Variants in TSC22D1 observed in about 807,000 individuals in gnomAD.
TSC22D1 encodes the protein TSC22 domain family protein 1.
Under a neutral mutation model 74.2 loss-of-function variants are expected in TSC22D1, and 9 were observed. That is an observed-to-expected ratio of 0.12 (90% CI 0.07 to 0.21). The LOEUF (loss-of-function observed/expected upper bound fraction) is 0.21. TSC22D1 is among the 10% of genes least tolerant of loss of function. The pLI is 1.00. For synonymous variants in TSC22D1, 586 were observed against 492.5 expected (o/e 1.19, Z -2.51); for missense variants, 1,427 against 1,304.7 (o/e 1.09, Z -1.44).
intron 1 of TSC22D1, among the ~76,000 whole-genome samples, chr13:44,462,232 G>A (rs1877036383): frequency 6.7e-6 from 1 of 150,228 alleles, no homozygotes; most frequent in Non-Finnish European, 1.5e-5. Flanking sequence ...TATTTCAGCA[G>A]AGTAACAAGA....
chr13:44,511,046 G>C (rs1879688810), intron 1 of TSC22D1, among the ~76,000 whole-genome samples: 1 of 152,182 alleles, frequency 6.6e-6, no homozygotes, highest in African/African-American at 2.4e-5. Flanking sequence ...AGCGTTCTGG[G>C]AGGCAGAGGT....
chr13:44,551,030 T>C (rs1381053031), intron 1 of TSC22D1, among the ~76,000 whole-genome samples: 1 of 149,726 alleles, frequency 6.7e-6, no homozygotes, highest in Non-Finnish European at 1.5e-5. Flanking sequence ...TCACCTGAGC[T>C]TGGGGAAATT....
chr13:44,452,431 C>A (rs886622639), intron 1 of TSC22D1, among the ~76,000 whole-genome samples: 50 of 152,188 alleles, frequency 3.3e-4, no homozygotes, highest in African/African-American at 1.2e-3. Flanking sequence ...GTGGATGACA[C>A]CCTACAGTGG....
chr13:44,576,588 C>T, upstream of TSC22D1: 1 of 154,112 alleles, frequency 6.5e-6, no homozygotes, highest in Non-Finnish European at 1.4e-5. Flanking sequence ...CGCCAGCGAG[C>T]CCCGAGCTCA....
At chr13:44,445,234 CACACACACACACACACACAG>C (rs1248920594) in intron 1 of TSC22D1, among the ~76,000 whole-genome samples, 5 of 148,312 alleles carry the variant, frequency 3.4e-5, no homozygotes, top group African/African-American at 1.2e-4. Flanking sequence ...CACACACACA[CACACACACACACACACACAG>C]AGCAAATCGA....
At position 44,574,593 on chromosome 13, in the gene TSC22D1, C is replaced by A. The variant is rs754605808; in HGVS notation, c.1482G>T (p.Val494=). 1 of 1,614,018 alleles carries A rather than the reference C, an allele frequency of 6.2e-7. No homozygotes were observed. Among genetic ancestry groups the A allele is most frequent in the Non-Finnish European group, 8.5e-7 (1 of 1,180,016 alleles). ...GTTGCTGCTGCTGCTGCTGCACCAC[C>A]ACAGTAGGGGCTCCCATCTCTCCAC... ...VGSGEMGAPT[V]VVQQQQQQQQ... The change falls in exon 1 of 3, where the codon GTG becomes GTT. Residue 494 remains valine (V), a synonymous_variant. Coordinates refer to ENST00000458659, the MANE Select transcript of TSC22D1 (RefSeq NM_183422.4).
intron 1 of TSC22D1, among the ~76,000 whole-genome samples, chr13:44,441,007 TG>T (rs1467310957): frequency 6.6e-6 from 1 of 152,222 alleles, no homozygotes; most frequent in African/African-American, 2.4e-5. Context: ...AATCATCATT[TG>T]AGTGTAAAGG....
At chr13:44,517,873 T>TTTTTTTTTTTTTTTTC (rs1161219206) in intron 1 of TSC22D1, among the ~76,000 whole-genome samples, 7 of 109,410 alleles carry the variant, frequency 6.4e-5, no homozygotes, top group Non-Finnish European at 1.2e-4. Context: ...TTTTTTTTTT[T>TTTTTTTTTTTTTTTTC]TTTTTTAACA....
chr13:44,455,105 G>A (rs568320482), intron 1 of TSC22D1, among the ~76,000 whole-genome samples: 11 of 152,282 alleles, frequency 7.2e-5, no homozygotes, highest in African/African-American at 2.6e-4. Flanking sequence ...CAGTATGTGA[G>A]ATAAGGACAA....
At chr13:44,551,025 T>C (rs775652332) in intron 1 of TSC22D1, among the ~76,000 whole-genome samples, 1 of 151,562 alleles carries the variant, frequency 6.6e-6, no homozygotes, top group South Asian at 2.1e-4. Flanking sequence ...GAGGATCACC[T>C]GAGCTTGGGG....
In TSC22D1 at chr13:44,575,810, A is replaced by G. The variant is rs1884182807; in HGVS notation, c.265T>C (p.Ser89Pro). ...GGCTGTGCCTGCAGCTGAGCCTGCG[A>G]AAGGAGGTTCAGGCTTTGTGGAGGC... is the stretch of plus-strand genomic sequence containing the variant. Reference protein sequence around the residue: ...PPPPQSLNLLSQAQLQAQPLA... With the variant: ...PPPPQSLNLLPQAQLQAQPLA... The change falls in exon 1 of 3, where the codon TCG (serine) becomes CCG (proline). Residue 89 changes from serine (S) to proline (P), a missense_variant. Ser to Pro is a moderately conservative substitution (Grantham distance 74). Around this residue, in one of 3 missense-constraint regions of TSC22D1, gnomAD observed 1,343 missense variants for 1,191.5 expected, o/e 1.13. Coordinates refer to ENST00000458659, the MANE Select transcript of TSC22D1 (RefSeq NM_183422.4). The G allele has an allele frequency of 6.2e-7, 1 of 1,614,108 alleles. No homozygotes were observed.
rs985006384 is a variant in TSC22D1 at position 44,576,168 on chromosome 13, T to G, written c.-94A>C. The stretch of plus-strand genomic sequence containing the variant: ...AGACGCCGGAGAGGAAAACGGGACC[T>G]GACGCTCCGCCTGGCGCGATTCCTC... On this transcript the variant is annotated 5_prime_UTR_variant, in exon 1 of 3. Transcript: ENST00000458659. 1.4e-6 allele frequency: 2 copies of G among 1,410,022 alleles called. No individual in the cohort carries two copies. Among genetic ancestry groups the G allele is most frequent in the Admixed American group, 5.9e-5 (2 of 33,882 alleles). 87.3% of individuals were successfully genotyped at this position (1,410,022 alleles called of 1,614,324 possible).
chr13:44,517,777 A>ATACATC (rs1880076185), intron 1 of TSC22D1, among the ~76,000 whole-genome samples: 2 of 135,312 alleles, frequency 1.5e-5, no homozygotes, highest in Non-Finnish European at 3.1e-5. Context: ...ATATATATAT[A>ATACATC]CACATATATA....
chr13:44,538,351 T>A (rs1881272527), intron 1 of TSC22D1: 1 of 985,356 alleles, frequency 1.0e-6, no homozygotes, highest in Admixed American at 6.1e-5. Flanking sequence ...TATATCCTAA[T>A]ATTAAAAGCA....
chr13:44,575,143 C>T lies in TSC22D1; in HGVS notation c.932G>A (p.Ser311Asn). The change falls in exon 1 of 3, where the codon AGT becomes AAT. Residue 311 changes from serine to asparagine, a missense_variant. Ser to Asn is a conservative substitution (Grantham distance 46, BLOSUM62 1). This residue lies in a region of TSC22D1 where 1,343 missense variants were observed against 1,191.5 expected (regional missense o/e 1.13). Coordinates refer to ENST00000458659, the MANE Select transcript of TSC22D1 (RefSeq NM_183422.4). ...GIGINSVTGT[S>N]TVNNVNITAV... ...AGTAATGTTAACATTATTTACTGTA[C>T]TAGTGCCAGTAACAGAATTTATACC... The T allele has an allele frequency of 6.2e-7, 1 of 1,614,154 alleles. No individual in the cohort carries two copies. Among genetic ancestry groups the T allele is most frequent in the Non-Finnish European group, 8.5e-7 (1 of 1,180,006 alleles).
At position 44,550,761 on chromosome 13, in the gene TSC22D1, T is replaced by G. The variant is rs559018217; in HGVS notation, c.2912+22402A>C. ...ACCAATCAGCCCAGCCTGGGCAACA[T>G]AGTGAGACTCCATCTCTACAAAAAT... is the stretch of plus-strand genomic sequence containing the variant. On this transcript the variant is annotated intron_variant, in intron 1 of 2. Transcript: ENST00000458659. Among the ~76,000 whole-genome samples, 49 of 148,990 alleles carry G rather than the reference T, an allele frequency of 3.3e-4. 2 individuals are homozygous for G. In the South Asian group the frequency reaches 0.011, roughly 32 times the overall value.
intron 1 of TSC22D1, among the ~76,000 whole-genome samples, chr13:44,520,622 G>GT (rs967040344): frequency 2.6e-5 from 4 of 151,978 alleles, no homozygotes; most frequent in Non-Finnish European, 5.9e-5. Flanking sequence ...TGAGAAAGAA[G>GT]TAATTTTTTA....
chr13:44,499,627 C>G (rs1879132995), intron 1 of TSC22D1, among the ~76,000 whole-genome samples: 1 of 152,176 alleles, frequency 6.6e-6, no homozygotes, highest in Non-Finnish European at 1.5e-5. Flanking sequence ...GGACCCAAAG[C>G]ATTTCCCCCA....
At chr13:44,516,923 G>C (rs1330882699) in intron 1 of TSC22D1, among the ~76,000 whole-genome samples, 1 of 152,146 alleles carries the variant, frequency 6.6e-6, no homozygotes, top group Non-Finnish European at 1.5e-5. Context: ...CTCTTCCTAA[G>C]TCCTGCCCAG....
Sources: allele counts gnomAD v4.1 joint callset (sites outside exome capture counted in the v4.1 genomes callset), GRCh38; gene constraint gnomAD v4.1.1; regional missense constraint gnomAD v4.1.1; transcripts MANE v1.5; gene names NCBI Gene and HGNC (gene_info 2026-07-23, HGNC 2026-07-21).